RORC: variants seen among roughly 807,000 people sequenced by gnomAD.
The protein encoded by RORC is nuclear receptor ROR-gamma.
A neutral mutation model predicts 64.5 loss-of-function variants in RORC; 13 were observed. The ratio of observed to expected loss-of-function variants is 0.20; its 90% CI spans 0.13 to 0.32. The LOEUF is 0.32. Among genes scored for constraint, RORC ranks in the 10% least tolerant of loss-of-function variants. RORC has a pLI of 1.00. For synonymous variants in RORC, 277 were observed against 259.3 expected, an observed-to-expected ratio of 1.07 and a Z score of -0.65; for missense variants, 468 against 669.5, an observed-to-expected ratio of 0.70 and a Z score of 3.32.
intron 2 of RORC, chr1:151,825,983 A>T: frequency 6.2e-7 from 1 of 1,610,976 alleles, no homozygotes; most frequent in East Asian, 2.2e-5. Context: ...CCTTCTCAGC[A>T]GGGGGTGGTC....
chr1:151,826,145 A>C, intron 2 of RORC: 2 of 1,248,714 alleles, frequency 1.6e-6, no homozygotes, highest in South Asian at 2.8e-5. Context: ...ACAACCCCCC[A>C]CCCCACCCCC....
intron 2 of RORC, among the ~76,000 whole-genome samples, chr1:151,818,353 A>G (rs571028711): frequency 6.6e-6 from 1 of 152,276 alleles, no homozygotes; most frequent in Admixed American, 6.5e-5. Context: ...TTTGTATGTT[A>G]GTGTCTGCTC....
chr1:151,814,874 C>A (rs199879782), intron 5 of RORC, 39 bp downstream of exon 5: 10 of 1,590,966 alleles, frequency 6.3e-6, no homozygotes, highest in Non-Finnish European at 8.6e-6. Flanking sequence ...AAACCCCTCC[C>A]TCATCTCTAC....
At chr1:151,811,533 G>T in intron 9 of RORC, 99 bp from the exon 10 acceptor site, 1 of 719,142 alleles carries the variant, frequency 1.4e-6, no homozygotes. Context: ...GCTGGATAGA[G>T]GTCTTCTAAG....
intron 2 of RORC, among the ~76,000 whole-genome samples, chr1:151,822,097 C>T (rs1357064913): frequency 6.6e-6 from 1 of 152,018 alleles, no homozygotes; most frequent in Non-Finnish European, 1.5e-5. Flanking sequence ...AAGAGGAATG[C>T]ATCTCTTTCC....
rs1651600429 is a variant in RORC, at chr1:151,813,065, A to G, written c.1175-8T>C. On this transcript the variant is annotated splice_polypyrimidine_tract_variant and splice_region_variant and intron_variant, in intron 8 of 10. Coordinates refer to ENST00000318247, the MANE Select transcript of RORC (RefSeq NM_005060.4). ...TGATGAGCTCGCTGCAGCCTGATGG[A>G]GTGGAAATGAGAAAAGTGAGAGAGT... The G allele has an allele frequency of 1.9e-6, 3 of 1,601,030 alleles. No individual in the cohort carries two copies. The Middle Eastern group carries it at 5.0e-4, about 268-fold the overall frequency.
chr1:151,814,478 C>T, intron 6 of RORC, 96 bp downstream of exon 6: 2 of 1,364,708 alleles, frequency 1.5e-6, no homozygotes, highest in Middle Eastern at 1.8e-4. Flanking sequence ...TGATGTCCCG[C>T]CCTGCCCCAG....
At chr1:151,826,251 T>C (rs981173432) in intron 2 of RORC, among the ~76,000 whole-genome samples, 2 of 152,090 alleles carry the variant, frequency 1.3e-5, no homozygotes, top group Admixed American at 1.3e-4. Flanking sequence ...TAGGGGGCGT[T>C]GGAAAATTCC....
At chr1:151,819,445 C>T (rs1651897303) in intron 2 of RORC, among the ~76,000 whole-genome samples, 2 of 152,206 alleles carry the variant, frequency 1.3e-5, no homozygotes, top group Admixed American at 1.3e-4. Context: ...CACTCGGGCC[C>T]TGTGGACTCT....
intron 2 of RORC, among the ~76,000 whole-genome samples, chr1:151,822,020 A>G (rs1447029019): frequency 6.6e-6 from 1 of 151,920 alleles, no homozygotes; most frequent in Admixed American, 6.6e-5. Flanking sequence ...CAGCCCCTTT[A>G]GGGTATAGAC....
At chr1:151,823,007 C>T (rs968858778) in intron 2 of RORC, among the ~76,000 whole-genome samples, 11 of 151,816 alleles carry the variant, frequency 7.2e-5, no homozygotes, top group South Asian at 4.2e-4. Context: ...TGGTAGGGAC[C>T]GAATATTTTC....
rs765568492 is a variant in RORC at position 151,813,599 on chromosome 1, G to T, written c.955C>A (p.Arg319=). 6.2e-6 allele frequency: 10 copies of T among 1,614,136 alleles called. No individual in the cohort carries two copies. In the Middle Eastern group the frequency reaches 6.6e-4, roughly 107 times the overall value. Residue 319 remains arginine, a synonymous_variant, in exon 7 of 11, where the codon CGG becomes AGG. Transcript: ENST00000318247. ...GCCTCGGTGAGGTGGTGGGCACACC[G>T]TTCCCACATCTCCCACATGGACTGC... ...QRKSMWEMWE[R]CAHHLTEAIQ... is the part of the protein sequence containing the mutation.
At chr1:151,818,095 G>A (rs1424846322) in intron 2 of RORC, among the ~76,000 whole-genome samples, 4 of 152,204 alleles carry the variant, frequency 2.6e-5, no homozygotes, top group African/African-American at 7.2e-5. Flanking sequence ...TTCATTTACC[G>A]ATGAAGGACT....
At chr1:151,821,523 A>G (rs1412900076) in intron 2 of RORC, among the ~76,000 whole-genome samples, 1 of 152,194 alleles carries the variant, frequency 6.6e-6, no homozygotes, top group Non-Finnish European at 1.5e-5. Context: ...TTTTCATTCA[A>G]TGATCACAAC....
chr1:151,811,964 T>C (rs1417526577), intron 9 of RORC: 1 of 152,314 alleles, frequency 6.6e-6, no homozygotes, highest in African/African-American at 2.4e-5. Context: ...GCCAGAAGAC[T>C]GATAGTCTCG....
chr1:151,814,394 G>T, intron 6 of RORC, 180 bp downstream of exon 6: 1 of 600,616 alleles, frequency 1.7e-6, no homozygotes, highest in Non-Finnish European at 2.9e-6. Context: ...CCATCTGCTG[G>T]GGTGTAGACA....
At chr1:151,819,537 G>A (rs1343068634) in intron 2 of RORC, among the ~76,000 whole-genome samples, 1 of 152,120 alleles carries the variant, frequency 6.6e-6, no homozygotes, top group Non-Finnish European at 1.5e-5. Context: ...AGAAACCAAC[G>A]TGGGCCACCC....
intron 9 of RORC, chr1:151,812,094 C>T (rs1345451834): frequency 6.6e-6 from 1 of 152,128 alleles, no homozygotes; most frequent in Non-Finnish European, 1.5e-5. Context: ...CCAGAGTCTT[C>T]CTATTATAGG....
intron 2 of RORC, among the ~76,000 whole-genome samples, chr1:151,828,419 G>C (rs1652278548): frequency 6.6e-6 from 1 of 152,168 alleles, no homozygotes. Context: ...CAAACTAGGA[G>C]AGGAGAGCTG....
Sources: allele counts gnomAD v4.1 joint callset (sites outside exome capture counted in the v4.1 genomes callset), GRCh38; gene constraint gnomAD v4.1.1; transcripts MANE v1.5; gene names NCBI Gene and HGNC (gene_info 2026-07-23, HGNC 2026-07-21).